The following RBFOX1 variants were observed in gnomAD, a reference collection of about 807,000 sequenced individuals.
The protein encoded by RBFOX1 is RNA binding protein fox-1 homolog 1.
Under a neutral mutation model 57.7 loss-of-function variants are expected in RBFOX1, and 8 were observed. The ratio of observed to expected loss-of-function variants is 0.14; its 90% confidence interval spans 0.08 to 0.25. RBFOX1 has a LOEUF of 0.25. Among genes scored for constraint, RBFOX1 ranks in the 10% least tolerant of loss-of-function variants. The pLI is 1.00. For synonymous variants in RBFOX1, 326 were observed against 222.4 expected, an observed-to-expected ratio of 1.47 and a Z score of -4.15; for missense variants, 611 against 548.5, an observed-to-expected ratio of 1.11 and a Z score of -1.14.
At chr16:7,048,506 G>C (rs1194651479) in intron 3 of RBFOX1, among the ~76,000 whole-genome samples, 1 of 150,988 alleles carries the variant, frequency 6.6e-6, no homozygotes, top group South Asian at 2.1e-4. Context: ...TGATCCACCC[G>C]CCTCAGCCTT....
chr16:7,004,390 G>A (rs983888406), intron 3 of RBFOX1, among the ~76,000 whole-genome samples: 9 of 152,058 alleles, frequency 5.9e-5, no homozygotes, highest in East Asian at 1.9e-4. Context: ...TTTGTCCACC[G>A]GTTTTATTTA....
intron 14 of RBFOX1, among the ~76,000 whole-genome samples, chr16:7,700,201 C>T (rs1387313375): frequency 6.6e-6 from 1 of 152,082 alleles, no homozygotes; most frequent in Admixed American, 6.5e-5. Flanking sequence ...CCGGGAAGCT[C>T]ACTGATCCCA....
At chr16:6,083,128 A>C (rs972991227) in intron 1 of RBFOX1, among the ~76,000 whole-genome samples, 1 of 152,010 alleles carries the variant, frequency 6.6e-6, no homozygotes, top group Non-Finnish European at 1.5e-5. Flanking sequence ...CAGCGTCCTG[A>C]GTAGCTGGGA....
chr16:7,675,660 GTATT>G (rs2073061938), intron 13 of RBFOX1, among the ~76,000 whole-genome samples: 1 of 152,092 alleles, frequency 6.6e-6, no homozygotes, highest in South Asian at 2.1e-4. Context: ...ATGTCTTATC[GTATT>G]TAGTTTCATG....
intron 1 of RBFOX1, among the ~76,000 whole-genome samples, chr16:6,096,338 G>C (rs141761644): frequency 2.3e-3 from 356 of 152,272 alleles, no homozygotes; most frequent in African/African-American, 8.3e-3. Context: ...TCGTTCCCCA[G>C]ATGCATTATT....
chr16:7,330,287 C>T (rs1162839195), intron 4 of RBFOX1, among the ~76,000 whole-genome samples: 4 of 151,538 alleles, frequency 2.6e-5, no homozygotes, highest in Admixed American at 6.6e-5. Context: ...CTTCTGAAGC[C>T]TAATACAATG....
intron 3 of RBFOX1, among the ~76,000 whole-genome samples, chr16:6,888,381 C>T (rs975404484): frequency 9.2e-5 from 14 of 151,922 alleles, no homozygotes; most frequent in Non-Finnish European, 1.8e-4. Context: ...TGTGAAAATC[C>T]AAACTTGGAG....
At chr16:6,555,979 T>A (rs1191292341) in intron 2 of RBFOX1, among the ~76,000 whole-genome samples, 3 of 152,136 alleles carry the variant, frequency 2.0e-5, no homozygotes, top group Non-Finnish European at 4.4e-5. Flanking sequence ...AAGGGGTTCT[T>A]TATTGGAACC....
chr16:6,512,740 T>A (rs1001029440), intron 2 of RBFOX1, among the ~76,000 whole-genome samples: 3 of 152,182 alleles, frequency 2.0e-5, no homozygotes, highest in African/African-American at 7.2e-5. Context: ...CTGTCTTGTT[T>A]CTGTGGCCAC....
At chr16:5,687,498 A>G (rs917469423) in intron 3 of RBFOX1, among the ~76,000 whole-genome samples, 1 of 152,204 alleles carries the variant, frequency 6.6e-6, no homozygotes, top group Admixed American at 6.5e-5. Flanking sequence ...AGTCATTCTG[A>G]AGCTATGTTC....
chr16:5,962,979 G>C (rs954250358), intron 4 of RBFOX1, among the ~76,000 whole-genome samples: 2 of 151,900 alleles, frequency 1.3e-5, no homozygotes, highest in Non-Finnish European at 2.9e-5. Context: ...CCTCCACTCT[G>C]GTCTTGAATT....
intron 1 of RBFOX1, among the ~76,000 whole-genome samples, chr16:6,042,029 C>T (rs1173714712): frequency 6.6e-6 from 1 of 152,076 alleles, no homozygotes; most frequent in Admixed American, 6.6e-5. Flanking sequence ...TGTGGCCCCT[C>T]CTCCATCTTC....
intron 5 of RBFOX1, chr16:7,519,655 C>T: frequency 1.0e-6 from 1 of 983,184 alleles, no homozygotes; most frequent in Non-Finnish European, 1.2e-6. Context: ...CCTTTTTCTG[C>T]AGAATTCTTT....
intron 14 of RBFOX1, among the ~76,000 whole-genome samples, chr16:7,681,850 G>C (rs180861611): frequency 6.6e-6 from 1 of 152,206 alleles, no homozygotes; most frequent in Non-Finnish European, 1.5e-5. Context: ...TCTGAACCAA[G>C]TTTGATAGGG....
chr16:5,326,147 C>T (rs114438781), intron 1 of RBFOX1, among the ~76,000 whole-genome samples: 253 of 152,274 alleles, frequency 1.7e-3, no homozygotes, highest in African/African-American at 5.8e-3. Flanking sequence ...TTTAATTTAG[C>T]CATTCTGATA....
intron 3 of RBFOX1, among the ~76,000 whole-genome samples, chr16:5,646,123 G>A (rs966572122): frequency 8.6e-5 from 13 of 151,500 alleles, no homozygotes; most frequent in African/African-American, 1.7e-4. Flanking sequence ...TCTGCCTCCC[G>A]GGTTTACACT....
chr16:7,212,942 C>T (rs1163237027), intron 4 of RBFOX1, among the ~76,000 whole-genome samples: 2 of 152,164 alleles, frequency 1.3e-5, no homozygotes, highest in African/African-American at 4.8e-5. Flanking sequence ...CTTACCGTGC[C>T]ACTCATATTT....
intron 3 of RBFOX1, among the ~76,000 whole-genome samples, chr16:7,026,224 A>G (rs1020290002): frequency 6.6e-6 from 1 of 152,180 alleles, no homozygotes; most frequent in East Asian, 1.9e-4. Context: ...TAGGAAGGCA[A>G]GAGGCCAACA....
chr16:5,725,118 T>C (rs537572749), intron 3 of RBFOX1, among the ~76,000 whole-genome samples: 2 of 152,268 alleles, frequency 1.3e-5, no homozygotes, highest in Admixed American at 6.5e-5. Flanking sequence ...AATAAAATAT[T>C]TGGGGAATCC....
Sources: allele counts gnomAD v4.1 joint callset (sites outside exome capture counted in the v4.1 genomes callset), GRCh38; gene constraint gnomAD v4.1.1; transcripts MANE v1.5; gene names NCBI Gene and HGNC (gene_info 2026-07-23, HGNC 2026-07-21).